BABAM2: variants seen among roughly 807,000 people sequenced by gnomAD.
BABAM2 encodes BRISC and BRCA1-A complex member 2.
Under a neutral mutation model 54.7 loss-of-function variants are expected in BABAM2, and 31 were observed. The observed-to-expected ratio is 0.57, with a 90% confidence interval of 0.43 to 0.77. BABAM2 has a LOEUF of 0.77. Ranked by LOEUF, BABAM2 falls within the 30% of genes least tolerant of loss-of-function variation. The probability of loss-of-function intolerance (pLI) is 0.00; values close to 1 mark genes in which losing one functional copy is unlikely to be tolerated. For missense variants in BABAM2, 364 were observed against 455.8 expected (o/e 0.80, Z 1.83); for synonymous variants, 167 against 162.9 (o/e 1.03, Z -0.19).
intron 3 of BABAM2, among the ~76,000 whole-genome samples, chr2:27,974,093 TC>T (rs1191726799): frequency 3.9e-5 from 6 of 152,222 alleles, no homozygotes; most frequent in African/African-American, 1.2e-4. Flanking sequence ...ACCCAGATTA[TC>T]TTGGGTGAAT....
chr2:28,291,508 C>T (rs1687279054), intron 10 of BABAM2, among the ~76,000 whole-genome samples: 1 of 151,856 alleles, frequency 6.6e-6, no homozygotes, highest in South Asian at 2.1e-4. Context: ...GCAGGAGAAT[C>T]ACTTGAATCT....
At chr2:27,940,768 C>T (rs1337785558) in intron 3 of BABAM2, among the ~76,000 whole-genome samples, 1 of 152,126 alleles carries the variant, frequency 6.6e-6, no homozygotes, top group Non-Finnish European at 1.5e-5. Flanking sequence ...CAAGTAAAGC[C>T]TATGATGCCC....
intron 6 of BABAM2, among the ~76,000 whole-genome samples, chr2:28,070,110 T>C (rs1211641847): frequency 2.6e-5 from 4 of 152,252 alleles, no homozygotes; most frequent in Non-Finnish European, 5.9e-5. Flanking sequence ...CAATTTGAGA[T>C]ATTACGTGGA....
At chr2:28,296,950 A>G (rs1307115037) in intron 10 of BABAM2, among the ~76,000 whole-genome samples, 1 of 152,174 alleles carries the variant, frequency 6.6e-6, no homozygotes, top group Non-Finnish European at 1.5e-5. Context: ...CGCCTCCCAG[A>G]GTGCTGGGAT....
At chr2:28,168,515 C>T (rs1673964777) in intron 7 of BABAM2, among the ~76,000 whole-genome samples, 1 of 152,148 alleles carries the variant, frequency 6.6e-6, no homozygotes, top group Non-Finnish European at 1.5e-5. Context: ...TTTTTCCTTT[C>T]ATTTATGCCA....
intron 10 of BABAM2, among the ~76,000 whole-genome samples, chr2:28,254,665 G>A: frequency 6.6e-6 from 1 of 151,500 alleles, no homozygotes; most frequent in Admixed American, 6.6e-5. Context: ...TGATGCAAGG[G>A]AAATGTTGTT....
At chr2:28,098,139 G>A (rs1385721215) in intron 6 of BABAM2, among the ~76,000 whole-genome samples, 1 of 152,012 alleles carries the variant, frequency 6.6e-6, no homozygotes, top group Non-Finnish European at 1.5e-5. Flanking sequence ...AATAATTTAG[G>A]GAATGTTGTC....
At chr2:28,237,327 C>T (rs979034218) in intron 8 of BABAM2, 26 bp downstream of exon 8, 3 of 1,581,000 alleles carry the variant, frequency 1.9e-6, no homozygotes, top group African/African-American at 2.7e-5. Flanking sequence ...CAACTCATCC[C>T]TCTTATGAGA....
chr2:28,226,182 A>G (rs1429516877), intron 7 of BABAM2, among the ~76,000 whole-genome samples: 1 of 152,232 alleles, frequency 6.6e-6, no homozygotes, highest in Non-Finnish European at 1.5e-5. Context: ...CTGCCTTTGC[A>G]CTTCAGCAGG....
chr2:28,070,686 C>G (rs1049179036), intron 6 of BABAM2, among the ~76,000 whole-genome samples: 1 of 152,036 alleles, frequency 6.6e-6, no homozygotes, highest in Non-Finnish European at 1.5e-5. Flanking sequence ...AGTTGAAGTA[C>G]TTTTCTTATC....
intron 6 of BABAM2, among the ~76,000 whole-genome samples, chr2:28,048,531 G>A (rs1030998935): frequency 6.6e-5 from 10 of 152,176 alleles, no homozygotes; most frequent in Non-Finnish European, 1.5e-4. Context: ...TCATTTTGCA[G>A]GTGGTTGAAA....
chr2:27,951,317 C>T (rs574001630), intron 3 of BABAM2, among the ~76,000 whole-genome samples: 119 of 152,214 alleles, frequency 7.8e-4, no homozygotes, highest in Middle Eastern at 3.4e-3. Context: ...ATGTATCCTA[C>T]AAATTTTGCT....
chr2:27,930,121 G>T (rs1233242460), intron 3 of BABAM2: 1 of 469,128 alleles, frequency 2.1e-6, no homozygotes, highest in East Asian at 3.6e-5. Context: ...GGCATGCACA[G>T]AAATTCCTAA....
intron 7 of BABAM2, among the ~76,000 whole-genome samples, chr2:28,149,289 G>C (rs1190193258): frequency 6.6e-6 from 1 of 152,148 alleles, no homozygotes; most frequent in East Asian, 1.9e-4. Context: ...CAGCTCCTTG[G>C]TGTTACTTCC....
Position 28,331,557 on chromosome 2 carries a change from T to C in BABAM2, c.1089-6893T>C, listed in dbSNP as rs531425246. ...AAGACATTTATGCAGCCAAGAAATA[T>C]ATGAAAAAATCTCAACATCACTGAT... On this transcript the variant is annotated intron_variant, in intron 11 of 11. Transcript: ENST00000379624. Among the ~76,000 whole-genome samples, 42 of 152,218 alleles carry C rather than the reference T, an allele frequency of 2.8e-4. No homozygotes were observed. The South Asian group carries it at 5.2e-3, about 19-fold the overall frequency.
At chr2:28,171,539 C>T (rs1274447173) in intron 7 of BABAM2, among the ~76,000 whole-genome samples, 1 of 152,146 alleles carries the variant, frequency 6.6e-6, no homozygotes, top group South Asian at 2.1e-4. Flanking sequence ...ACTTTCCTGT[C>T]TAGTAGATCT....
chr2:28,210,272 T>C (rs530622631), intron 7 of BABAM2, among the ~76,000 whole-genome samples: 37 of 152,308 alleles, frequency 2.4e-4, no homozygotes, highest in African/African-American at 8.7e-4. Flanking sequence ...CCTGGTCCTA[T>C]AACTTGGAGA....
intron 11 of BABAM2, among the ~76,000 whole-genome samples, chr2:28,311,810 G>T (rs181890783): frequency 1.3e-5 from 2 of 152,266 alleles, no homozygotes; most frequent in Admixed American, 1.3e-4. Flanking sequence ...GTTGCCGGAG[G>T]TCAGACACAA....
chr2:28,221,696 G>A (rs72824237), intron 7 of BABAM2, among the ~76,000 whole-genome samples: 13 of 152,184 alleles, frequency 8.5e-5, no homozygotes, highest in South Asian at 4.1e-4. Flanking sequence ...GAAATTTGTC[G>A]TTTACATTTG....
Sources: gnomAD v4.1 joint callset for allele counts (sites outside exome capture counted in the v4.1 genomes callset) on GRCh38, gnomAD v4.1.1 for gene constraint, MANE v1.5 for transcripts, NCBI Gene and HGNC (gene_info 2026-07-23, HGNC 2026-07-21) for gene names.